AUTS2: variants seen among roughly 807,000 people sequenced by gnomAD.
AUTS2 encodes the protein activator of transcription and developmental regulator AUTS2, also known as autism susceptibility gene 2 protein.
AUTS2 carries 17 observed loss-of-function variants against 112.4 expected under a neutral mutation model. The observed-to-expected ratio is 0.15, with a 90% CI of 0.10 to 0.23. The LOEUF is 0.23. AUTS2 is among the 10% of genes least tolerant of loss of function. AUTS2 has a pLI of 1.00. For synonymous variants in AUTS2, 751 were observed against 702.7 expected (o/e 1.07, Z -1.09); for missense variants, 1,510 against 1,701.6 (o/e 0.89, Z 1.98).
At chr7:70,250,968 C>T (rs1786559564) in intron 4 of AUTS2, among the ~76,000 whole-genome samples, 1 of 152,162 alleles carries the variant, frequency 6.6e-6, no homozygotes, top group Non-Finnish European at 1.5e-5. Context: ...TGGCACGCAG[C>T]TTACCCATAT....
In AUTS2 at chr7:70,274,408, C is replaced by T. The variant is rs1015735762; in HGVS notation, c.660+139837C>T. 2.8e-4 allele frequency among the ~76,000 whole-genome samples: 43 copies of T among 152,088 alleles called. 1 individual carries two copies. The highest frequency in any genetic ancestry group is 1.3e-4 in the Non-Finnish European group (9 of 68,032). ...CTCCCTGGCTCAAGCGATCCTCCCA[C>T]CTCAGCCTCCAAAGTAGCCTGGACC... On this transcript the variant is annotated intron_variant, in intron 4 of 18. Transcript: ENST00000342771.
intron 1 of AUTS2, among the ~76,000 whole-genome samples, chr7:69,835,440 A>G (rs1239096057): frequency 1.3e-5 from 2 of 152,166 alleles, no homozygotes; most frequent in Non-Finnish European, 2.9e-5. Context: ...AGGCCACTAG[A>G]CAAGATGAAT....
chr7:70,444,628 C>T (rs1291283976), intron 5 of AUTS2, among the ~76,000 whole-genome samples: 3 of 151,956 alleles, frequency 2.0e-5, no homozygotes, highest in African/African-American at 7.3e-5. Flanking sequence ...CTCTTTTATA[C>T]AGGTTAGAGA....
intron 4 of AUTS2, among the ~76,000 whole-genome samples, chr7:70,250,678 T>G (rs1321157273): frequency 6.6e-6 from 1 of 152,196 alleles, no homozygotes; most frequent in Non-Finnish European, 1.5e-5. Flanking sequence ...TGGAACACCA[T>G]GCAGCCACTA....
At chr7:70,108,882 T>C (rs6974168) in intron 2 of AUTS2, among the ~76,000 whole-genome samples, 1 of 147,654 alleles carries the variant, frequency 6.8e-6, no homozygotes, top group Non-Finnish European at 1.5e-5. Context: ...CTTCCGAAAG[T>C]GCTGGGATTG....
chr7:69,734,950 T>C (rs1275748919), intron 1 of AUTS2, among the ~76,000 whole-genome samples: 5 of 152,176 alleles, frequency 3.3e-5, no homozygotes, highest in African/African-American at 1.2e-4. Context: ...ATTTCAGACA[T>C]TTTCTGGAGA....
At chr7:70,520,509 C>T (rs773833606) in intron 5 of AUTS2, among the ~76,000 whole-genome samples, 1 of 152,188 alleles carries the variant, frequency 6.6e-6, no homozygotes, top group African/African-American at 2.4e-5. Flanking sequence ...TCCTTTCATC[C>T]AGGTCCCACC....
rs1258763340 is a variant in AUTS2 at position 70,695,223 on chromosome 7, C to T, written c.691-3346C>T. On this transcript the variant is annotated intron_variant, in intron 5 of 18. Transcript: ENST00000342771. Reference sequence around the variant, plus strand: ...CGCTACCCCTCCTCCCTTCTTTCCTCCCCCCTCTGCGGCCCTGTCGCCCGC... The same window carrying T: ...CGCTACCCCTCCTCCCTTCTTTCCTTCCCCCTCTGCGGCCCTGTCGCCCGC... 4.6e-5 allele frequency among the ~76,000 whole-genome samples: 7 copies of T among 152,148 alleles called. No individual in the cohort carries two copies. The South Asian group carries it at 8.3e-4, about 18-fold the overall frequency.
chr7:70,301,809 G>C (rs1349512147), intron 4 of AUTS2, among the ~76,000 whole-genome samples: 1 of 152,134 alleles, frequency 6.6e-6, no homozygotes, highest in African/African-American at 2.4e-5. Context: ...TGTCACCCAG[G>C]ATACAGTGGT....
chr7:70,610,423 CTTTTTTTTTTTTTTTTT>C (rs3054735), intron 5 of AUTS2, among the ~76,000 whole-genome samples: 1 of 77,394 alleles, frequency 1.3e-5, no homozygotes, highest in Non-Finnish European at 2.5e-5. Context: ...TAGCGCTCAT[CTTTTTTTTTTTTTTTTT>C]TTTTTTTTTT....
At chr7:69,969,291 T>C (rs1212675558) in intron 2 of AUTS2, among the ~76,000 whole-genome samples, 3 of 152,176 alleles carry the variant, frequency 2.0e-5, no homozygotes, top group African/African-American at 7.2e-5. Flanking sequence ...AACGTTAAGT[T>C]AATTGCTTCA....
chr7:70,598,755 T>C (rs1374169131), intron 5 of AUTS2, among the ~76,000 whole-genome samples: 4 of 152,216 alleles, frequency 2.6e-5, no homozygotes, highest in African/African-American at 9.7e-5. Flanking sequence ...TCTTTAAGAT[T>C]TGTTTCCAAA....
intron 3 of AUTS2, among the ~76,000 whole-genome samples, chr7:70,131,372 G>A (rs1009361037): frequency 6.6e-6 from 1 of 152,280 alleles, no homozygotes; most frequent in African/African-American, 2.4e-5. Context: ...CTTGAGCCCA[G>A]GAGCTTGAGG....
At chr7:70,225,382 ATGT>A (rs1317662917) in intron 4 of AUTS2, among the ~76,000 whole-genome samples, 1 of 152,230 alleles carries the variant, frequency 6.6e-6, no homozygotes, top group Non-Finnish European at 1.5e-5. Flanking sequence ...TTATGTAGAA[ATGT>A]TGTTTTTAGT....
intron 5 of AUTS2, among the ~76,000 whole-genome samples, chr7:70,438,731 C>A (rs991821620): frequency 1.6e-4 from 24 of 152,316 alleles, no homozygotes; most frequent in African/African-American, 5.3e-4. Context: ...GTGCCCCCCT[C>A]GAAGCCCCAG....
chr7:70,287,616 A>G (rs1219354604), intron 4 of AUTS2, among the ~76,000 whole-genome samples: 1 of 152,178 alleles, frequency 6.6e-6, no homozygotes, highest in Non-Finnish European at 1.5e-5. Context: ...AGTAAAATTA[A>G]AATAACATTC....
Position 70,591,147 on chromosome 7 carries a change from C to A in AUTS2, c.691-107422C>A, listed in dbSNP as rs1362330640. Among the ~76,000 whole-genome samples, 3 of 116,858 alleles carry A rather than the reference C, an allele frequency of 2.6e-5. No individual in the cohort carries two copies. In the East Asian group the frequency reaches 7.5e-4, roughly 29 times the overall value. The allele number at this position is 116,858 out of a possible 152,430, so 76.7% of individuals were successfully genotyped here. A position where few individuals can be genotyped will look rare whatever the true frequency, so the allele number is the denominator to read the frequency against. On this transcript the variant is annotated intron_variant, in intron 5 of 18. Transcript: ENST00000342771. The stretch of plus-strand genomic sequence containing the variant: ...GAAGAGAGGCTGCTGATACCCACCC[C>A]ACCTGTCCCCACCCCACCTGCCCCC...
At chr7:70,384,789 A>T (rs1793533256) in intron 4 of AUTS2, among the ~76,000 whole-genome samples, 1 of 152,186 alleles carries the variant, frequency 6.6e-6, no homozygotes, top group African/African-American at 2.4e-5. Flanking sequence ...GATAATCCTC[A>T]AAGCAGAGGG....
chr7:70,778,897 A>G (rs993359414), intron 14 of AUTS2, among the ~76,000 whole-genome samples: 6 of 152,230 alleles, frequency 3.9e-5, no homozygotes, highest in African/African-American at 1.2e-4. Flanking sequence ...TGGTTAAAAG[A>G]GATGAGGGAT....
Sources: allele counts gnomAD v4.1 joint callset (sites outside exome capture counted in the v4.1 genomes callset), GRCh38; gene constraint gnomAD v4.1.1; transcripts MANE v1.5; gene names NCBI Gene and HGNC (gene_info 2026-07-23, HGNC 2026-07-21).